The following TMEM132D variants were observed in gnomAD, a reference collection of about 807,000 sequenced individuals.
TMEM132D encodes the protein transmembrane protein 132D.
Under a neutral mutation model 62.3 loss-of-function variants are expected in TMEM132D, and 21 were observed. That is an observed-to-expected ratio of 0.34 (90% confidence interval 0.24 to 0.49). The LOEUF is 0.49. Among genes scored for constraint, TMEM132D ranks in the 20% least tolerant of loss-of-function variants. The probability of loss-of-function intolerance (pLI) is 0.99; values close to 1 mark genes in which losing one functional copy is unlikely to be tolerated. For missense variants in TMEM132D, 1,346 were observed against 1,402.8 expected, an observed-to-expected ratio of 0.96 and a Z score of 0.65; for synonymous variants, 621 against 575.6, an observed-to-expected ratio of 1.08 and a Z score of -1.13.
intron 1 of TMEM132D, among the ~76,000 whole-genome samples, chr12:129,777,338 T>C (rs1297265001): frequency 6.6e-6 from 1 of 152,198 alleles, no homozygotes; most frequent in African/African-American, 2.4e-5. Context: ...TGATATCACC[T>C]AGAATTTTTA....
At chr12:129,689,344 T>C (rs527750541) in intron 2 of TMEM132D, among the ~76,000 whole-genome samples, 3 of 152,300 alleles carry the variant, frequency 2.0e-5, no homozygotes, top group Non-Finnish European at 2.9e-5. Context: ...CTGAGAAAAA[T>C]GGGGCACCAA....
At chr12:129,482,945 CTGTGTGTGTGTG>C (rs59346043) in intron 3 of TMEM132D, among the ~76,000 whole-genome samples, 6,490 of 144,200 alleles carry the variant, frequency 0.045, 198 homozygotes, top group African/African-American at 0.087. Flanking sequence ...CATATTTAAT[CTGTGTGTGTGTG>C]TGTGTGTGTG....
At chr12:129,188,329 C>T (rs184889458) in intron 5 of TMEM132D, among the ~76,000 whole-genome samples, 3 of 152,322 alleles carry the variant, frequency 2.0e-5, no homozygotes, top group African/African-American at 7.2e-5. Flanking sequence ...CCTGCCAAAG[C>T]CACCAACGTA....
chr12:129,261,649 G>A (rs574795157), intron 4 of TMEM132D, among the ~76,000 whole-genome samples: 46 of 152,258 alleles, frequency 3.0e-4, no homozygotes, highest in South Asian at 2.3e-3. Context: ...TCAAGATCAA[G>A]GTGCTATCAG....
chr12:129,413,860 AG>A (rs1872038349), intron 3 of TMEM132D, among the ~76,000 whole-genome samples: 1 of 152,242 alleles, frequency 6.6e-6, no homozygotes, highest in Non-Finnish European at 1.5e-5. Flanking sequence ...TTTCATGAAA[AG>A]TCATACAAAA....
At chr12:129,369,682 CAA>C (rs1402552427) in intron 3 of TMEM132D, among the ~76,000 whole-genome samples, 2 of 152,278 alleles carry the variant, frequency 1.3e-5, no homozygotes, top group Non-Finnish European at 2.9e-5. Flanking sequence ...GGCTAATTTG[CAA>C]AGATTGCTGC....
chr12:129,558,572 G>A (rs1462662532), intron 2 of TMEM132D, among the ~76,000 whole-genome samples: 2 of 152,134 alleles, frequency 1.3e-5, no homozygotes, highest in Non-Finnish European at 2.9e-5. Context: ...GTGACTTTCT[G>A]TCTACCTTCC....
At chr12:129,186,294 C>T (rs1878220473) in intron 5 of TMEM132D, among the ~76,000 whole-genome samples, 2 of 152,198 alleles carry the variant, frequency 1.3e-5, no homozygotes, top group Admixed American at 1.3e-4. Context: ...TGGCAGCTCC[C>T]TTGGCAGCCC....
intron 3 of TMEM132D, among the ~76,000 whole-genome samples, chr12:129,340,145 T>G (rs1457956499): frequency 6.6e-6 from 1 of 152,194 alleles, no homozygotes; most frequent in Non-Finnish European, 1.5e-5. Flanking sequence ...CTTCATCTAA[T>G]TTTACTCTTC....
chr12:129,383,057 G>A (rs1871000125), intron 3 of TMEM132D, among the ~76,000 whole-genome samples: 1 of 152,176 alleles, frequency 6.6e-6, no homozygotes, highest in Admixed American at 6.5e-5. Flanking sequence ...AGCACACTGA[G>A]GAGTTTGCTA....
intron 5 of TMEM132D, among the ~76,000 whole-genome samples, chr12:129,125,494 CTATGAG>C (rs1876184930): frequency 7.5e-6 from 1 of 133,634 alleles, no homozygotes; most frequent in Non-Finnish European, 1.6e-5. Flanking sequence ...TGTCGAATTA[CTATGAG>C]TTTTTTTTTT....
intron 2 of TMEM132D, among the ~76,000 whole-genome samples, chr12:129,611,506 C>T (rs546090229): frequency 6.6e-6 from 1 of 152,196 alleles, no homozygotes; most frequent in African/African-American, 2.4e-5. Context: ...AGCTTGGGGG[C>T]CCAAGGCATA....
intron 1 of TMEM132D, among the ~76,000 whole-genome samples, chr12:129,735,155 G>A (rs1869384748): frequency 6.6e-6 from 1 of 152,178 alleles, no homozygotes; most frequent in Admixed American, 6.5e-5. Context: ...ACAGAGCAAT[G>A]AGAAACTGGT....
intron 5 of TMEM132D, among the ~76,000 whole-genome samples, chr12:129,092,969 C>T (rs1351453387): frequency 1.3e-5 from 2 of 152,190 alleles, no homozygotes; most frequent in Non-Finnish European, 2.9e-5. Flanking sequence ...AAACAACTTT[C>T]CCTAACTCAG....
chr12:129,568,572 G>T (rs1008188629), intron 2 of TMEM132D, among the ~76,000 whole-genome samples: 5 of 152,184 alleles, frequency 3.3e-5, no homozygotes, highest in East Asian at 1.9e-4. Flanking sequence ...TCTGTAAGCA[G>T]TCCCACTTGC....
intron 1 of TMEM132D, among the ~76,000 whole-genome samples, chr12:129,738,923 T>A (rs1869512623): frequency 6.6e-6 from 1 of 152,186 alleles, no homozygotes; most frequent in Non-Finnish European, 1.5e-5. Flanking sequence ...AGGAGTATAA[T>A]GATCCAGAAG....
At chr12:129,331,837 G>T (rs530388516) in intron 4 of TMEM132D, among the ~76,000 whole-genome samples, 3 of 152,220 alleles carry the variant, frequency 2.0e-5, no homozygotes, top group Non-Finnish European at 2.9e-5. Context: ...AGAGAAGGAC[G>T]TTGAAGAACT....
At chr12:129,632,551 T>C (rs112545866) in intron 2 of TMEM132D, among the ~76,000 whole-genome samples, 24 of 152,194 alleles carry the variant, frequency 1.6e-4, no homozygotes, top group African/African-American at 5.1e-4. Flanking sequence ...TGTCTCCTCC[T>C]GGCTGTGTTT....
intron 2 of TMEM132D, among the ~76,000 whole-genome samples, chr12:129,597,887 T>A (rs1379794799): frequency 6.6e-6 from 1 of 152,100 alleles, no homozygotes; most frequent in African/African-American, 2.4e-5. Context: ...AAGGGCTTTA[T>A]TGGCGGGGGG....
Sources: gnomAD v4.1 joint callset for allele counts (sites outside exome capture counted in the v4.1 genomes callset) on GRCh38, gnomAD v4.1.1 for gene constraint, MANE v1.5 for transcripts, NCBI Gene and HGNC (gene_info 2026-07-23, HGNC 2026-07-21) for gene names.